Variants in ECE2 observed in about 807,000 individuals in gnomAD.
The protein encoded by ECE2 is endothelin converting enzyme 2.
In ECE2, 81 loss-of-function variants were observed where a neutral mutation model predicts 100.6. The observed-to-expected ratio is 0.81, with a 90% CI of 0.67 to 0.97. ECE2 has a LOEUF of 0.97. Among genes scored for constraint, ECE2 ranks in the 50% least tolerant of loss-of-function variants. ECE2 has a pLI of 0.00. For synonymous variants in ECE2, 391 were observed against 391.5 expected, an observed-to-expected ratio of 1.00 and a Z score of 0.02; for missense variants, 911 against 988.1, an observed-to-expected ratio of 0.92 and a Z score of 1.05.
chr3:184,276,674 G>T (rs768830091), intron 2 of ECE2, 107 bp downstream of exon 2: 1 of 1,558,674 alleles, frequency 6.4e-7, no homozygotes, highest in African/African-American at 1.4e-5. Flanking sequence ...CCCCACCTCC[G>T]CTCCATCTCT....
At chr3:184,288,107 G>C (rs995088735) in intron 11 of ECE2, among the ~76,000 whole-genome samples, 160 bp downstream of exon 11, 3 of 151,902 alleles carry the variant, frequency 2.0e-5, no homozygotes, top group Non-Finnish European at 2.9e-5. Flanking sequence ...TCAGGAGTTC[G>C]AGACCAGCCT....
At chr3:184,281,708 T>C (rs1009286063) in intron 7 of ECE2, among the ~76,000 whole-genome samples, 1 of 152,204 alleles carries the variant, frequency 6.6e-6, no homozygotes, top group Non-Finnish European at 1.5e-5. Context: ...GAGGAAAGAC[T>C]TCGGTTTGGC....
Position 184,291,659 on chromosome 3 carries a change from G to T in ECE2, c.2121+220G>T, listed in dbSNP as rs1721327736. 13 of 526,154 alleles carry T rather than the reference G, an allele frequency of 2.5e-5. No individual in the cohort carries two copies. In the South Asian group the frequency reaches 4.3e-4, roughly 18 times the overall value. 32.6% of individuals were successfully genotyped at this position (526,154 alleles called of 1,614,324 possible). On this transcript the variant is annotated intron_variant, in intron 18 of 18. Transcript: ENST00000404464. The surrounding 1 kb of genome is among the most constrained non-coding windows in gnomAD (Gnocchi z 4.1). Reference sequence around the variant, plus strand: ...CCTGAGCGGGAGAATGCCTTGGTAGGATTTCGCATAGTTCAAAGGGCAAGG... The same window carrying T: ...CCTGAGCGGGAGAATGCCTTGGTAGTATTTCGCATAGTTCAAAGGGCAAGG...
Position 184,291,316 on chromosome 3 carries a change from G to C in ECE2, c.2026-28G>C. Reference sequence around the variant, plus strand: ...GGGTGGGTGGGGGCAGGCCTGGATGGGCTTGTTGCCCACTGTTCTGTCCCC... The same window carrying C: ...GGGTGGGTGGGGGCAGGCCTGGATGCGCTTGTTGCCCACTGTTCTGTCCCC... On this transcript the variant is annotated intron_variant, in intron 17 of 18. Coordinates refer to ENST00000404464, the MANE Select transcript of ECE2 (RefSeq NM_001100121.2). The surrounding 1 kb of genome is among the most constrained non-coding windows in gnomAD (Gnocchi z 4.1). 1 of 1,591,142 alleles carries C rather than the reference G, an allele frequency of 6.3e-7. No homozygotes were observed. Among genetic ancestry groups the C allele is most frequent in the Non-Finnish European group, 8.6e-7 (1 of 1,166,976 alleles).
intron 8 of ECE2, among the ~76,000 whole-genome samples, chr3:184,284,542 CAAAA>C (rs35701535): frequency 3.0e-5 from 2 of 66,406 alleles, no homozygotes; most frequent in Non-Finnish European, 3.3e-5. Flanking sequence ...AACTCCATCT[CAAAA>C]AAAAAAAAAA....
At position 184,291,155 on chromosome 3, in the gene ECE2, T is replaced by C. The variant is rs978469303; in HGVS notation, c.1950T>C (p.Asn650=). 10 of 1,613,634 alleles carry C rather than the reference T, an allele frequency of 6.2e-6. No individual in the cohort carries two copies. Among genetic ancestry groups the C allele is most frequent in the Admixed American group, 5.0e-5 (3 of 59,896 alleles). The change falls in exon 17 of 19, where the codon AAT becomes AAC. Residue 650 remains asparagine (N), a synonymous_variant. Transcript: ENST00000404464. This position sits in a 1 kb window ranked among gnomAD's most constrained non-coding sequence, Gnocchi z 4.1. ...MEEQYNQYQV[N]GERLNGRQTL... ...AACAGTACAATCAATACCAGGTCAA[T>C]GGGGAGAGGCTCAACGGCCGCCAGA...
chr3:184,291,755 GACATGCAGGAA>G lies in ECE2; in HGVS notation c.2122-304_2122-294del. ...ATCCTCACGCTGTTCCTGTGAGGGA[GACATGCAGGAA>G]ACGAAAGCTCGGGACGCAGAGTGGC... On this transcript the variant is annotated intron_variant, in intron 18 of 18. Transcript: ENST00000404464. This position sits in a 1 kb window ranked among gnomAD's most constrained non-coding sequence, Gnocchi z 4.1. The G allele has an allele frequency of 1.9e-6, 1 of 515,016 alleles. No homozygotes were observed. The allele number at this position is 515,016 out of a possible 1,614,324, so 31.9% of individuals were successfully genotyped here.
In ECE2 at chr3:184,292,784, T is replaced by C; in HGVS notation, c.*546T>C. On this transcript the variant is annotated 3_prime_UTR_variant, in exon 19 of 19. Coordinates refer to ENST00000404464, the MANE Select transcript of ECE2 (RefSeq NM_001100121.2). ...AGCTCCTAGTGGAAGCCCAAGGGCCTCTGAAAGCCTCCTGCTGCCCACTGT... is the reference window on the plus strand; with the variant it reads ...AGCTCCTAGTGGAAGCCCAAGGGCCCCTGAAAGCCTCCTGCTGCCCACTGT... 1 of 156,488 alleles carries C rather than the reference T, an allele frequency of 6.4e-6. No homozygotes were observed. The highest frequency in any genetic ancestry group is 6.2e-5 in the Admixed American group (1 of 16,150). 9.7% of individuals were successfully genotyped at this position (156,488 alleles called of 1,614,324 possible).
intron 7 of ECE2, among the ~76,000 whole-genome samples, chr3:184,281,916 T>A (rs1720828122): frequency 6.6e-6 from 1 of 152,190 alleles, no homozygotes; most frequent in Admixed American, 6.5e-5. Context: ...TTGGCCAACA[T>A]GGCGAAACAC....
At chr3:184,276,599 G>A (rs756834004) in intron 2 of ECE2, 32 bp downstream of exon 2, 6 of 1,597,106 alleles carry the variant, frequency 3.8e-6, no homozygotes, top group Non-Finnish European at 4.3e-6. Context: ...TTCTCACCAG[G>A]CCCCAGCCCT....
chr3:184,282,774 T>C (rs1319801948), intron 7 of ECE2, among the ~76,000 whole-genome samples: 1 of 152,200 alleles, frequency 6.6e-6, no homozygotes, highest in Non-Finnish European at 1.5e-5. Context: ...GCTTCTGCCC[T>C]GGGGTGTGAA....
chr3:184,283,452 C>G (rs1291139639), intron 7 of ECE2, among the ~76,000 whole-genome samples: 7 of 148,568 alleles, frequency 4.7e-5, no homozygotes, highest in Non-Finnish European at 8.9e-5. Context: ...GTCCCAGCTA[C>G]TTGGGAGGCT....
chr3:184,279,697 G>A (rs1174862048), intron 7 of ECE2, among the ~76,000 whole-genome samples: 1 of 151,886 alleles, frequency 6.6e-6, no homozygotes, highest in Non-Finnish European at 1.5e-5. Flanking sequence ...AAGGCTAGGT[G>A]TGTCTGGACC....
At position 184,291,184 on chromosome 3, in the gene ECE2, T is replaced by TG; in HGVS notation, c.1984dup (p.Glu662GlyfsTer5). ...GAGAGGCTCAACGGCCGCCAGACGC[T>TG]GGGGGAGAACATTGCTGACAACGGG... On this transcript the variant is annotated frameshift_variant, in exon 17 of 19. Transcript: ENST00000404464. LOFTEE classifies it high-confidence loss of function. The surrounding 1 kb of genome is among the most constrained non-coding windows in gnomAD (Gnocchi z 4.1). 1 of 1,613,642 alleles carries TG rather than the reference T, an allele frequency of 6.2e-7. No homozygotes were observed. The highest frequency in any genetic ancestry group is 8.5e-7 in the Non-Finnish European group (1 of 1,179,878).
chr3:184,284,044 A>G, intron 8 of ECE2, 71 bp downstream of exon 8: 1 of 1,561,404 alleles, frequency 6.4e-7, no homozygotes, highest in Non-Finnish European at 8.7e-7. Context: ...GCTTCCCTCC[A>G]TGCCATCTCC....
intron 7 of ECE2, among the ~76,000 whole-genome samples, chr3:184,279,242 G>A (rs865967426): frequency 1.5e-4 from 22 of 150,526 alleles, no homozygotes; most frequent in African/African-American, 4.4e-4. Context: ...CCTGGGAGGC[G>A]GAGGTTGCAG....
rs373964442 is a variant in ECE2, at chr3:184,276,107, G to T, written c.-47G>T. The T allele has an allele frequency of 2.6e-3, 3,369 of 1,274,348 alleles. 48 individuals carry two copies. The Admixed American group carries it at 0.032, about 12-fold the overall frequency. 78.9% of individuals were successfully genotyped at this position (1,274,348 alleles called of 1,614,324 possible). The stretch of plus-strand genomic sequence containing the variant: ...GGGACCGGGGCCGCGGCCCGGGAGC[G>T]GGCCAGCTGCCGGGAGCCCTGAATC... On this transcript the variant is annotated 5_prime_UTR_variant, in exon 1 of 19. Transcript: ENST00000404464.
At chr3:184,290,461 G>A (rs547590452) in intron 14 of ECE2, 96 bp from the exon 15 acceptor site, 70 of 1,554,854 alleles carry the variant, frequency 4.5e-5, no homozygotes, top group South Asian at 1.6e-4. Flanking sequence ...CCAGACCGGC[G>A]GCCCCATACC....
chr3:184,287,055 C>T (rs1424845085), intron 10 of ECE2, among the ~76,000 whole-genome samples: 2 of 151,808 alleles, frequency 1.3e-5, no homozygotes, highest in Non-Finnish European at 2.9e-5. Context: ...GGGCGGATCA[C>T]TTGAAGTAAG....
Sources: gnomAD v4.1 joint callset for allele counts (sites outside exome capture counted in the v4.1 genomes callset) on GRCh38, gnomAD v4.1.1 for gene constraint, Gnocchi (gnomAD v3.1) non-coding constraint, MANE v1.5 for transcripts, NCBI Gene and HGNC (gene_info 2026-07-23, HGNC 2026-07-21) for gene names.